Variants in PXDNL observed in about 807,000 individuals in gnomAD.
PXDNL encodes peroxidasin like, also known as probable oxidoreductase PXDNL.
Under a neutral mutation model 150.8 loss-of-function variants are expected in PXDNL, and 145 were observed. That is an observed-to-expected ratio of 0.96 (90% confidence interval 0.84 to 1.10). PXDNL has a LOEUF of 1.10. Among genes scored for constraint, PXDNL ranks in the 50% least tolerant of loss-of-function variants. The pLI, the probability that PXDNL is intolerant of heterozygous loss-of-function variation, is 0.00. For synonymous variants in PXDNL, 757 were observed against 725.7 expected, an observed-to-expected ratio of 1.04 and a Z score of -0.69; for missense variants, 2,087 against 1,873.9, an observed-to-expected ratio of 1.11 and a Z score of -2.10.
intron 13 of PXDNL, 75 bp from the exon 14 acceptor site, chr8:51,423,806 G>A: frequency 1.4e-6 from 2 of 1,391,910 alleles, no homozygotes; most frequent in Non-Finnish European, 9.7e-7. Context: ...TTTAAAATGT[G>A]GGTTCATTTA....
In PXDNL at chr8:51,474,978, T is replaced by G. The variant is rs1334403804; in HGVS notation, c.688A>C (p.Asn230His). 8 of 1,593,302 alleles carry G rather than the reference T, an allele frequency of 5.0e-6. No individual in the cohort carries two copies. Among genetic ancestry groups the G allele is most frequent in the Non-Finnish European group, 6.8e-6 (8 of 1,169,176 alleles). ...AVASVTVEEF[N>H]CQSPRITFEP... ...CACATTGAAATTTACGTACGGCAAT[T>G]GAATTCCTCTACTGTTACTGAAGCA... The change falls in exon 7 of 23, where the codon AAT (asparagine) becomes CAT (histidine). Residue 230 changes from asparagine (N) to histidine (H), a missense_variant. Physicochemically the swap from Asn to His is moderately conservative, Grantham distance 68. Coordinates refer to ENST00000356297, the MANE Select transcript of PXDNL (RefSeq NM_144651.5).
At chr8:51,784,213 T>A (rs2037440333) in intron 1 of PXDNL, among the ~76,000 whole-genome samples, 1 of 152,244 alleles carries the variant, frequency 6.6e-6, no homozygotes, top group South Asian at 2.1e-4. Context: ...ACTTTCTCTG[T>A]CAACTCTTGA....
At position 51,500,302 on chromosome 8, in the gene PXDNL, C is replaced by A. The variant is rs76796183; in HGVS notation, c.381-532G>T. ...AGAAGTAATGTGTCTTGTTTTAATC[C>A]TTTTGGAATTAGGAATTAGACTTTT... On this transcript the variant is annotated intron_variant, in intron 4 of 22. Coordinates refer to ENST00000356297, the MANE Select transcript of PXDNL (RefSeq NM_144651.5). Among the ~76,000 whole-genome samples the A allele has an allele frequency of 3.9e-5, 6 of 152,242 alleles. No individual in the cohort carries two copies. The East Asian group carries it at 1.2e-3, about 29-fold the overall frequency.
At chr8:51,322,568 A>G (rs1052597484) in intron 21 of PXDNL, among the ~76,000 whole-genome samples, 1 of 152,256 alleles carries the variant, frequency 6.6e-6, no homozygotes, top group Middle Eastern at 3.4e-3. Context: ...AACATGAAGG[A>G]TCACTGGTGA....
At chr8:51,523,197 C>T (rs1811697936) in intron 4 of PXDNL, among the ~76,000 whole-genome samples, 2 of 151,950 alleles carry the variant, frequency 1.3e-5, no homozygotes, top group African/African-American at 2.4e-5. Context: ...TATGAAAAGT[C>T]GATTAAGATA....
At chr8:51,659,724 G>T (rs1301940299) in intron 1 of PXDNL, among the ~76,000 whole-genome samples, 2 of 152,110 alleles carry the variant, frequency 1.3e-5, no homozygotes, top group African/African-American at 4.8e-5. Flanking sequence ...CAGAGTGATA[G>T]AAAAGCCCAG....
At chr8:51,707,675 A>G (rs533077612) in intron 1 of PXDNL, among the ~76,000 whole-genome samples, 1 of 152,128 alleles carries the variant, frequency 6.6e-6, no homozygotes, top group Admixed American at 6.5e-5. Context: ...ACAAATCCCC[A>G]TTTCCTCCTC....
chr8:51,750,226 G>A (rs2037030462), intron 1 of PXDNL, among the ~76,000 whole-genome samples: 1 of 151,386 alleles, frequency 6.6e-6, no homozygotes, highest in African/African-American at 2.4e-5. Context: ...TAAAAACTAA[G>A]ACACAGACAC....
intron 1 of PXDNL, among the ~76,000 whole-genome samples, chr8:51,701,592 T>A (rs1366706060): frequency 6.6e-6 from 1 of 152,328 alleles, no homozygotes; most frequent in African/African-American, 2.4e-5. Flanking sequence ...ATTAGCATCA[T>A]CTCTGCAGTC....
chr8:51,438,631 C>T (rs1217817518), intron 12 of PXDNL, among the ~76,000 whole-genome samples: 1 of 152,078 alleles, frequency 6.6e-6, no homozygotes, highest in Non-Finnish European at 1.5e-5. Flanking sequence ...AGGAGAATGG[C>T]GTGAACCTGG....
intron 1 of PXDNL, among the ~76,000 whole-genome samples, chr8:51,655,588 A>G (rs1815133267): frequency 6.6e-6 from 1 of 152,126 alleles, no homozygotes; most frequent in Non-Finnish European, 1.5e-5. Flanking sequence ...ACTCCATGTC[A>G]TTATGGTAAA....
At chr8:51,583,248 A>T (rs79298117) in intron 3 of PXDNL, among the ~76,000 whole-genome samples, 7,760 of 152,168 alleles carry the variant, frequency 0.051, 464 homozygotes, top group African/African-American at 0.15. Context: ...TATGAGGAAC[A>T]TGGCGCCAGC....
At chr8:51,804,981 C>T (rs1381631639) in intron 1 of PXDNL, among the ~76,000 whole-genome samples, 1 of 151,788 alleles carries the variant, frequency 6.6e-6, no homozygotes, top group African/African-American at 2.4e-5. Context: ...TCCACACTCA[C>T]CTGCCCTTCC....
chr8:51,514,776 T>C (rs575307394), intron 4 of PXDNL, among the ~76,000 whole-genome samples: 1 of 152,184 alleles, frequency 6.6e-6, no homozygotes, highest in Admixed American at 6.5e-5. Flanking sequence ...AGAGACATAA[T>C]AAATACAGCC....
At chr8:51,448,852 T>G in intron 11 of PXDNL, 150 bp downstream of exon 11, 1 of 653,406 alleles carries the variant, frequency 1.5e-6, no homozygotes, top group Non-Finnish European at 2.8e-6. Flanking sequence ...AAAATTATGA[T>G]GATGTCATAT....
At chr8:51,470,749 T>C (rs1324073174) in intron 8 of PXDNL, among the ~76,000 whole-genome samples, 1 of 152,154 alleles carries the variant, frequency 6.6e-6, no homozygotes, top group African/African-American at 2.4e-5. Context: ...ATTCTCTATT[T>C]AATAAATGGT....
rs61703659 is a variant in PXDNL, at chr8:51,728,077, A to G, written c.165-73317T>C. 3.6e-3 allele frequency among the ~76,000 whole-genome samples: 544 copies of G among 152,328 alleles called. 5 individuals are homozygous for G. Among genetic ancestry groups the G allele is most frequent in the African/African-American group, 0.012 (516 of 41,576 alleles). ...TGTTTCAGTCAGTGATGGACCACATATGCACTGGTGGTCCCATAGGATTAC... is the reference window on the plus strand; with the variant it reads ...TGTTTCAGTCAGTGATGGACCACATGTGCACTGGTGGTCCCATAGGATTAC... On this transcript the variant is annotated intron_variant, in intron 1 of 22. Transcript: ENST00000356297.
intron 1 of PXDNL, among the ~76,000 whole-genome samples, chr8:51,785,084 G>A (rs2037448434): frequency 6.6e-6 from 1 of 152,226 alleles, no homozygotes; most frequent in East Asian, 1.9e-4. Context: ...TTACCATCAA[G>A]ATCTTTAGTG....
Position 51,409,152 on chromosome 8 carries a change from G to A in PXDNL, c.2472C>T (p.Ala824=), listed in dbSNP as rs1586082128. The A allele has an allele frequency of 6.2e-7, 1 of 1,603,130 alleles. No individual in the cohort carries two copies. Among genetic ancestry groups the A allele is most frequent in the East Asian group, 2.2e-5 (1 of 44,666 alleles). The change falls in exon 17 of 23, where the codon GCC becomes GCT. Residue 824 remains alanine, a synonymous_variant. Transcript: ENST00000356297. ...TGCACGGCCGCCCATCCGAGAAGCG[G>A]GCTGTGCTCAGCGCAGGCACTGTGT... The part of the protein sequence containing the change: ...LDHTVPALST[A]RFSDGRPCSS...
Sources: allele counts gnomAD v4.1 joint callset (sites outside exome capture counted in the v4.1 genomes callset), GRCh38; gene constraint gnomAD v4.1.1; transcripts MANE v1.5; gene names NCBI Gene and HGNC (gene_info 2026-07-23, HGNC 2026-07-21).